Variants in EVL observed in about 807,000 individuals in gnomAD.
EVL encodes the protein Enah/Vasp-like.
EVL carries 21 observed loss-of-function variants against 59.6 expected under a neutral mutation model. That is an observed-to-expected ratio of 0.35 (90% CI 0.25 to 0.51). The LOEUF is 0.51. Ranked by LOEUF, EVL falls within the 20% of genes least tolerant of loss-of-function variation. EVL has a pLI of 0.97. For missense variants in EVL, 462 were observed against 546.6 expected (o/e 0.85, Z 1.54); for synonymous variants, 198 against 203.5 (o/e 0.97, Z 0.23).
chr14:100,102,697 C>G (rs1411679596), intron 3 of EVL, among the ~76,000 whole-genome samples: 3 of 152,290 alleles, frequency 2.0e-5, no homozygotes, highest in South Asian at 4.1e-4. Context: ...ATGCTGGCCC[C>G]TACCCACCCG....
intron 3 of EVL, among the ~76,000 whole-genome samples, chr14:100,118,584 C>T (rs924151006): frequency 1.3e-5 from 2 of 152,142 alleles, no homozygotes; most frequent in African/African-American, 2.4e-5. Flanking sequence ...GACGGGAGCC[C>T]GCCTCTTGCA....
At chr14:100,073,052 G>A (rs777794368) in intron 1 of EVL, among the ~76,000 whole-genome samples, 6 of 152,106 alleles carry the variant, frequency 3.9e-5, no homozygotes, top group Non-Finnish European at 8.8e-5. Context: ...CTGTTTCTCG[G>A]TCACTGAATT....
chr14:100,139,549 G>A (rs1007352262), intron 11 of EVL: 1 of 152,292 alleles, frequency 6.6e-6, no homozygotes, highest in African/African-American at 2.4e-5. Flanking sequence ...CCTCTGGCTG[G>A]ATGCGTTTGC....
intron 1 of EVL, among the ~76,000 whole-genome samples, chr14:100,006,817 A>AAAG (rs1312278611): frequency 1.4e-3 from 210 of 152,010 alleles, no homozygotes; most frequent in Non-Finnish European, 2.4e-3. Flanking sequence ...ACATCAAAAA[A>AAAG]AAAAAAAAAG....
intron 3 of EVL, chr14:100,107,522 A>G (rs182931934): frequency 2.6e-5 from 10 of 386,940 alleles, no homozygotes; most frequent in East Asian, 1.1e-4. Flanking sequence ...GCCACGCCCA[A>G]CGTTCCTCCA....
At chr14:100,027,127 A>G (rs2061227434) in intron 1 of EVL, among the ~76,000 whole-genome samples, 1 of 152,196 alleles carries the variant, frequency 6.6e-6, no homozygotes, top group Admixed American at 6.5e-5. Context: ...TATAGATACT[A>G]AGTATACCTA....
chr14:100,097,828 A>G (rs974665437), intron 3 of EVL, 170 bp downstream of exon 3: 8 of 556,828 alleles, frequency 1.4e-5, no homozygotes, highest in Non-Finnish European at 2.5e-5. Flanking sequence ...GATATTAACA[A>G]TTCAGAGGAG....
At chr14:99,987,663 A>C (rs2060848049) in intron 1 of EVL, among the ~76,000 whole-genome samples, 1 of 152,094 alleles carries the variant, frequency 6.6e-6, no homozygotes, top group Non-Finnish European at 1.5e-5. Flanking sequence ...ACAAACAAAC[A>C]AATAAATAAA....
chr14:100,143,622 C>CCAG, intron 13 of EVL, 79 bp from the exon 14 acceptor site: 1 of 1,575,944 alleles, frequency 6.3e-7, no homozygotes, highest in East Asian at 2.3e-5. Context: ...CAGGTCCACG[C>CCAG]CAGGGGTGCG....
rs532512303 is a variant in EVL, at chr14:99,993,685, CTTTTTTTTT to C, written c.5+21644_5+21652del. ...GTCTTTTCAGATTGTTTCTTTCTTT[CTTTTTTTTT>C]TTTTTTTTTTTTTTTGACTTAGAGT... On this transcript the variant is annotated intron_variant, in intron 1 of 13. Transcript: ENST00000402714. Among the ~76,000 whole-genome samples, 28 of 78,264 alleles carry C rather than the reference CTTTTTTTTT, an allele frequency of 3.6e-4. 1 individual carries two copies. The highest frequency in any genetic ancestry group is 4.8e-4 in the African/African-American group (8 of 16,520). 51.3% of individuals were successfully genotyped at this position (78,264 alleles called of 152,430 possible). A position where few individuals can be genotyped will look rare whatever the true frequency, so the allele number is the denominator to read the frequency against.
At chr14:100,141,154 G>T (rs1318581328) in intron 11 of EVL, 26 bp from the exon 12 acceptor site, 42 of 1,611,658 alleles carry the variant, frequency 2.6e-5, no homozygotes, top group Non-Finnish European at 3.6e-5. Context: ...TCCAGCCAGG[G>T]CACCCACAGG....
intron 3 of EVL, among the ~76,000 whole-genome samples, chr14:100,122,889 G>T (rs544285604): frequency 1.3e-5 from 2 of 152,296 alleles, no homozygotes; most frequent in East Asian, 3.9e-4. Context: ...TCCAGGGCAG[G>T]GTGTGGCCAG....
At chr14:99,993,010 A>T (rs971151240) in intron 1 of EVL, among the ~76,000 whole-genome samples, 1 of 147,298 alleles carries the variant, frequency 6.8e-6, no homozygotes, top group Non-Finnish European at 1.5e-5. Context: ...TGATTTTTGT[A>T]TGTTGAGCCA....
intron 1 of EVL, among the ~76,000 whole-genome samples, chr14:100,032,440 C>T (rs2061328494): frequency 6.6e-6 from 1 of 152,144 alleles, no homozygotes; most frequent in Non-Finnish European, 1.5e-5. Context: ...TGACCGAATG[C>T]TTAAACACAG....
In EVL at chr14:100,141,222, C is replaced by CT; in HGVS notation, c.1139dup (p.Asp381ArgfsTer86). The CT allele has an allele frequency of 6.2e-7, 1 of 1,613,882 alleles. No homozygotes were observed. The highest frequency in any genetic ancestry group is 8.5e-7 in the Non-Finnish European group (1 of 1,179,982). On this transcript the variant is annotated frameshift_variant, in exon 12 of 14. Coordinates refer to ENST00000392920, the MANE Select transcript of EVL (RefSeq NM_016337.3). LOFTEE classifies it high-confidence loss of function. ...GCGTGAATGACATGGCCCTGGATGC[C>CT]TTCGACTTGGACCGGATGAAGCAGG...
chr14:100,068,278 A>G (rs975763005), intron 1 of EVL, among the ~76,000 whole-genome samples: 7 of 152,170 alleles, frequency 4.6e-5, no homozygotes, highest in Non-Finnish European at 1.0e-4. Flanking sequence ...GGTGGGTTCA[A>G]GGGTCAAGAA....
At chr14:100,085,096 C>T (rs760198958) in intron 2 of EVL, 4 of 407,722 alleles carry the variant, frequency 9.8e-6, no homozygotes, top group Non-Finnish European at 1.3e-5. Flanking sequence ...CGCACCCTGC[C>T]TATTTCACTG....
At chr14:99,980,008 G>T (rs893636149) in intron 1 of EVL, among the ~76,000 whole-genome samples, 1 of 152,160 alleles carries the variant, frequency 6.6e-6, no homozygotes, top group Non-Finnish European at 1.5e-5. Context: ...CATTGTATTA[G>T]GTGTTATAAG....
Position 100,108,281 on chromosome 14 carries a change from G to A in EVL, c.358+10623G>A, listed in dbSNP as rs1035687347. On this transcript the variant is annotated intron_variant, in intron 3 of 13. Transcript: ENST00000392920. The surrounding 1 kb of genome is among the most constrained non-coding windows in gnomAD (Gnocchi z 4.1). ...TTGTTAAACCTCATAGCTCTTGGAG[G>A]TGGGGCTGAATTTTGCTTCTTGTAA... Among the ~76,000 whole-genome samples the A allele has an allele frequency of 3.3e-5, 5 of 152,130 alleles. No individual in the cohort carries two copies. Among genetic ancestry groups the A allele is most frequent in the African/African-American group, 1.2e-4 (5 of 41,414 alleles).
Sources: allele counts gnomAD v4.1 joint callset (sites outside exome capture counted in the v4.1 genomes callset), GRCh38; gene constraint gnomAD v4.1.1; non-coding constraint Gnocchi (gnomAD v3.1); transcripts MANE v1.5; gene names NCBI Gene and HGNC (gene_info 2026-07-23, HGNC 2026-07-21).